Variants in CTIF observed in about 807,000 individuals in gnomAD.
The protein encoded by CTIF is CBP80/20-dependent translation initiation factor.
In CTIF, 21 loss-of-function variants were observed where a neutral mutation model predicts 66.0. The observed-to-expected ratio is 0.32, with a 90% CI of 0.23 to 0.46. The LOEUF is 0.46. CTIF is among the 20% of genes least tolerant of loss of function. The pLI, the probability that CTIF is intolerant of heterozygous loss-of-function variation, is 1.00. For synonymous variants in CTIF, 345 were observed against 326.4 expected (o/e 1.06, Z -0.62); for missense variants, 739 against 812.7 (o/e 0.91, Z 1.10).
rs117128847 is a variant in CTIF, at chr18:48,790,484, C to T, written c.1372-26737C>T. 4.0e-3 allele frequency among the ~76,000 whole-genome samples: 606 copies of T among 152,374 alleles called. 4 individuals carry two copies. The highest frequency in any genetic ancestry group is 7.0e-3 in the Non-Finnish European group (477 of 68,032). On this transcript the variant is annotated intron_variant, in intron 9 of 11. Coordinates refer to ENST00000256413, the MANE Select transcript of CTIF (RefSeq NM_014772.3). ...GGGCAGGCTGCCAAATCCAACAGGACGCCCCATGGAGCCCTTTGGCCTGGG... is the reference window on the plus strand; with the variant it reads ...GGGCAGGCTGCCAAATCCAACAGGATGCCCCATGGAGCCCTTTGGCCTGGG...
In CTIF at chr18:48,766,010, A is replaced by G. The variant is rs540601568; in HGVS notation, c.1371+4321A>G. ...GGTACATGTGCACAACATGCAGGTT[A>G]GTTACATATGTATACATGTGCCATG... is the stretch of plus-strand genomic sequence containing the variant. On this transcript the variant is annotated intron_variant, in intron 9 of 11. Transcript: ENST00000256413. Among the ~76,000 whole-genome samples, 73 of 149,062 alleles carry G rather than the reference A, an allele frequency of 4.9e-4. 1 individual carries two copies. The highest frequency in any genetic ancestry group is 1.7e-3 in the African/African-American group (69 of 40,318).
chr18:48,824,798 G>A (rs1256782914), intron 10 of CTIF, among the ~76,000 whole-genome samples: 4 of 151,990 alleles, frequency 2.6e-5, no homozygotes, highest in Non-Finnish European at 4.4e-5. Flanking sequence ...CCGCCACCAC[G>A]CCCAGCTAAT....
At chr18:48,790,143 G>T (rs772025294) in intron 9 of CTIF, among the ~76,000 whole-genome samples, 26 of 152,230 alleles carry the variant, frequency 1.7e-4, no homozygotes, top group Middle Eastern at 3.2e-3. Flanking sequence ...CCCCAGTACC[G>T]TATGTCCTTT....
At chr18:48,660,289 GA>G (rs2091320782) in intron 3 of CTIF, among the ~76,000 whole-genome samples, 1 of 151,538 alleles carries the variant, frequency 6.6e-6, no homozygotes, top group African/African-American at 2.4e-5. Context: ...ATGGCTCTTG[GA>G]GGAGCACTGG....
intron 6 of CTIF, among the ~76,000 whole-genome samples, chr18:48,685,759 C>G (rs1338397602): frequency 2.0e-5 from 3 of 151,968 alleles, no homozygotes; most frequent in African/African-American, 7.3e-5. Flanking sequence ...TCACTGCAAC[C>G]TCTGCCTCCT....
At chr18:48,642,674 T>G (rs187976495) in intron 3 of CTIF, among the ~76,000 whole-genome samples, 1 of 152,326 alleles carries the variant, frequency 6.6e-6, no homozygotes, top group Non-Finnish European at 1.5e-5. Flanking sequence ...AGGCAAAGTC[T>G]GTTCCCCTGT....
intron 10 of CTIF, among the ~76,000 whole-genome samples, chr18:48,831,004 C>G (rs2068680684): frequency 6.6e-6 from 1 of 152,122 alleles, no homozygotes; most frequent in Admixed American, 6.5e-5. Context: ...CTGAGCAAAG[C>G]CAGAGACAAT....
At chr18:48,820,687 G>A (rs1489988824) in intron 10 of CTIF, among the ~76,000 whole-genome samples, 1 of 152,108 alleles carries the variant, frequency 6.6e-6, no homozygotes, top group Admixed American at 6.5e-5. Flanking sequence ...CCACGCCACG[G>A]CCTTTCCGCT....
chr18:48,750,090 A>G (rs1435205437), intron 7 of CTIF, among the ~76,000 whole-genome samples: 1 of 152,258 alleles, frequency 6.6e-6, no homozygotes, highest in Non-Finnish European at 1.5e-5. Context: ...CCTCGTATTC[A>G]TAACGTGCTT....
chr18:48,791,668 C>CCGTCTCAA (rs1311456448), intron 9 of CTIF, among the ~76,000 whole-genome samples: 3 of 152,218 alleles, frequency 2.0e-5, no homozygotes, highest in African/African-American at 7.2e-5. Flanking sequence ...GCAGCCTGCC[C>CCGTCTCAA]CGTCTCAACC....
At chr18:48,557,810 C>T (rs142305171) in intron 1 of CTIF, among the ~76,000 whole-genome samples, 50 of 152,362 alleles carry the variant, frequency 3.3e-4, no homozygotes, top group Admixed American at 5.9e-4. Flanking sequence ...GGGTCCCACA[C>T]GGTCTCTCCT....
chr18:48,693,639 C>A (rs746834095), intron 6 of CTIF, among the ~76,000 whole-genome samples: 1 of 151,934 alleles, frequency 6.6e-6, no homozygotes, highest in Non-Finnish European at 1.5e-5. Flanking sequence ...AAAACCAGCA[C>A]CCAGTAGAGA....
At chr18:48,602,141 A>C (rs1177470490) in intron 1 of CTIF, among the ~76,000 whole-genome samples, 1 of 152,232 alleles carries the variant, frequency 6.6e-6, no homozygotes, top group Non-Finnish European at 1.5e-5. Flanking sequence ...ATCCTCCATT[A>C]AAAGAGGTTT....
chr18:48,832,127 T>C (rs1238653273), intron 10 of CTIF, among the ~76,000 whole-genome samples: 1 of 151,288 alleles, frequency 6.6e-6, no homozygotes, highest in East Asian at 1.9e-4. Flanking sequence ...GTGTGGGGGC[T>C]GCCTGGCTGG....
At chr18:48,712,473 C>T (rs2092236018) in intron 7 of CTIF, among the ~76,000 whole-genome samples, 1 of 152,000 alleles carries the variant, frequency 6.6e-6, no homozygotes, top group South Asian at 2.1e-4. Context: ...GTCATTTATG[C>T]AAAAGGGGGA....
chr18:48,546,217 A>T (rs1276657759), intron 1 of CTIF, among the ~76,000 whole-genome samples: 1 of 152,042 alleles, frequency 6.6e-6, no homozygotes, highest in Non-Finnish European at 1.5e-5. Context: ...TTCCTGCCAT[A>T]CTTCATTTTT....
intron 1 of CTIF, among the ~76,000 whole-genome samples, chr18:48,595,422 T>C (rs1375155375): frequency 6.6e-6 from 1 of 152,156 alleles, no homozygotes; most frequent in African/African-American, 2.4e-5. Context: ...CATTTATTTT[T>C]TAATTAATTA....
chr18:48,660,446 A>G (rs947451592), intron 3 of CTIF, among the ~76,000 whole-genome samples: 1 of 152,198 alleles, frequency 6.6e-6, no homozygotes, highest in African/African-American at 2.4e-5. Flanking sequence ...TTCCTCTGTA[A>G]AGAATAAACA....
At chr18:48,595,163 C>T (rs1413922409) in intron 1 of CTIF, among the ~76,000 whole-genome samples, 1 of 152,164 alleles carries the variant, frequency 6.6e-6, no homozygotes, top group Non-Finnish European at 1.5e-5. Context: ...GGTCAGGGGA[C>T]CTGGCACCTG....
Sources: gnomAD v4.1 joint callset for allele counts (sites outside exome capture counted in the v4.1 genomes callset) on GRCh38, gnomAD v4.1.1 for gene constraint, MANE v1.5 for transcripts, NCBI Gene and HGNC (gene_info 2026-07-23, HGNC 2026-07-21) for gene names.